RBPJ: variants seen among roughly 807,000 people sequenced by gnomAD.
RBPJ encodes the protein recombining binding protein suppressor of hairless.
Under a neutral mutation model 67.8 loss-of-function variants are expected in RBPJ, and 9 were observed. That is an observed-to-expected ratio of 0.13 (90% CI 0.08 to 0.23). The LOEUF is 0.23. RBPJ is among the 10% of genes least tolerant of loss of function. RBPJ has a pLI of 1.00. For synonymous variants in RBPJ, 198 were observed against 203.3 expected (o/e 0.97, Z 0.22); for missense variants, 305 against 595.6 (o/e 0.51, Z 5.08).
intron 1 of RBPJ, among the ~76,000 whole-genome samples, chr4:26,231,772 C>T (rs1324902866): frequency 1.3e-5 from 2 of 151,972 alleles, no homozygotes; most frequent in African/African-American, 2.4e-5. Context: ...TGGTCTCGAA[C>T]TCGTGACCTC....
At chr4:26,294,101 T>C (rs1303214420) in intron 1 of RBPJ, among the ~76,000 whole-genome samples, 1 of 88,590 alleles carries the variant, frequency 1.1e-5, no homozygotes, top group South Asian at 3.1e-4. Flanking sequence ...TTTTTGTTTT[T>C]GTTTTTGTTT....
intron 1 of RBPJ, among the ~76,000 whole-genome samples, chr4:26,185,463 A>G (rs1473001479): frequency 6.6e-6 from 1 of 152,200 alleles, no homozygotes; most frequent in East Asian, 1.9e-4. Flanking sequence ...GCCCACTCCA[A>G]ACATCTGAAA....
intron 1 of RBPJ, among the ~76,000 whole-genome samples, chr4:26,248,635 T>C (rs1164593737): frequency 1.3e-5 from 2 of 152,214 alleles, no homozygotes. Context: ...AGTTAGACTA[T>C]ATAACAGTGA....
At chr4:26,331,578 A>G (rs1724266932) in intron 1 of RBPJ, among the ~76,000 whole-genome samples, 1 of 152,090 alleles carries the variant, frequency 6.6e-6, no homozygotes, top group Non-Finnish European at 1.5e-5. Flanking sequence ...GTCAGCTCGG[A>G]GCCTGCCTGC....
rs867558635 is a variant in RBPJ at position 26,244,209 on chromosome 4, A to G, written c.-167+80595A>G. ...TATACATATATGTGTCTATATATGTATACACATATGTGTACACATATATGT... is the reference window on the plus strand; with the variant it reads ...TATACATATATGTGTCTATATATGTGTACACATATGTGTACACATATATGT... On this transcript the variant is annotated intron_variant, in intron 1 of 4. Coordinates refer to the RBPJ transcript ENST00000512351. Among the ~76,000 whole-genome samples the G allele has an allele frequency of 2.2e-3, 310 of 137,944 alleles. 9 individuals carry two copies. The highest frequency in any genetic ancestry group is 0.011 in the South Asian group (48 of 4,406). The allele number at this position is 137,944 out of a possible 152,430, so 90.5% of individuals were successfully genotyped here.
At chr4:26,311,731 G>A (rs181130085) in intron 1 of RBPJ, among the ~76,000 whole-genome samples, 16 of 152,206 alleles carry the variant, frequency 1.1e-4, no homozygotes, top group Admixed American at 1.0e-3. Context: ...TCCCTTTAGT[G>A]AGAAAGTCCC....
chr4:26,343,904 C>A (rs1405455587), intron 1 of RBPJ, among the ~76,000 whole-genome samples: 1 of 151,880 alleles, frequency 6.6e-6, no homozygotes, highest in African/African-American at 2.4e-5. Flanking sequence ...GCGCCCGCCA[C>A]CACACTCGGC....
upstream of RBPJ, among the ~76,000 whole-genome samples, chr4:26,318,467 T>C (rs1360833394): frequency 6.6e-6 from 1 of 151,802 alleles, no homozygotes; most frequent in Non-Finnish European, 1.5e-5. Context: ...GCAATAAAAA[T>C]ACGGAAAGGT....
chr4:26,366,753 G>A (rs1728671444), intron 1 of RBPJ, among the ~76,000 whole-genome samples: 1 of 151,994 alleles, frequency 6.6e-6, no homozygotes. Flanking sequence ...TCATACATAG[G>A]AAATTTACAA....
intron 1 of RBPJ, among the ~76,000 whole-genome samples, chr4:26,324,896 AAT>A (rs1475903688): frequency 6.6e-6 from 1 of 152,228 alleles, no homozygotes; most frequent in Non-Finnish European, 1.5e-5. Flanking sequence ...CAAGTCTGTT[AAT>A]AGCAGTGATT....
chr4:26,231,608 C>T (rs1719288307), intron 1 of RBPJ, among the ~76,000 whole-genome samples: 1 of 151,986 alleles, frequency 6.6e-6, no homozygotes. Context: ...GATGGGGTTT[C>T]ACCATGTTGG....
At chr4:26,161,805 C>T (rs1716085380), upstream of RBPJ, among the ~76,000 whole-genome samples, 1 of 152,212 alleles carries the variant, frequency 6.6e-6, no homozygotes, top group Non-Finnish European at 1.5e-5. Context: ...GCACAGACGT[C>T]CTGTGGTAGG....
chr4:26,140,113 GA>G, the RBPJ span, among the ~76,000 whole-genome samples: 1 of 152,176 alleles, frequency 6.6e-6, no homozygotes, highest in East Asian at 1.9e-4. Context: ...TGACTTCAGT[GA>G]ACTCATATGG....
chr4:26,124,189 T>G, the RBPJ span, among the ~76,000 whole-genome samples: 1 of 151,694 alleles, frequency 6.6e-6, no homozygotes, highest in East Asian at 1.9e-4. Flanking sequence ...TGTAGTCTTT[T>G]ATACCTCACC....
At chr4:26,215,181 GGA>G in intron 1 of RBPJ, among the ~76,000 whole-genome samples, 3 of 68,278 alleles carry the variant, frequency 4.4e-5, no homozygotes, top group Admixed American at 1.9e-4. Flanking sequence ...GAAGGAGGAA[GGA>G]AGGAAGGAAG....
At chr4:26,411,950 AC>A (rs1194723773) in intron 3 of RBPJ, among the ~76,000 whole-genome samples, 5 of 149,822 alleles carry the variant, frequency 3.3e-5, no homozygotes, top group African/African-American at 9.8e-5. Flanking sequence ...TACTAAAAAT[AC>A]AAAAAAAAAA....
the RBPJ span, among the ~76,000 whole-genome samples, chr4:26,131,332 T>C: frequency 6.6e-6 from 1 of 152,174 alleles, no homozygotes; most frequent in African/African-American, 2.4e-5. Flanking sequence ...TTTAGTAAGC[T>C]GTTACAAGCA....
chr4:26,394,221 G>T (rs996055462), intron 2 of RBPJ, among the ~76,000 whole-genome samples: 4 of 151,946 alleles, frequency 2.6e-5, no homozygotes, highest in African/African-American at 4.8e-5. Context: ...TAGAGACGGG[G>T]TTTCACCGTG....
At position 26,209,202 on chromosome 4, in the gene RBPJ, A is replaced by G. The variant is rs558300157; in HGVS notation, c.-167+45588A>G. ...TCAACTGGCTTGCAAAATGCCTGAA[A>G]GTTAAAATGTTGATTCTATTAAGTT... On this transcript the variant is annotated intron_variant, in intron 1 of 4. Coordinates refer to the RBPJ transcript ENST00000512351. Among the ~76,000 whole-genome samples the G allele has an allele frequency of 7.2e-5, 11 of 152,166 alleles. No individual in the cohort carries two copies. In the South Asian group the frequency reaches 1.7e-3, roughly 23 times the overall value.
Sources: gnomAD v4.1 joint callset for allele counts (sites outside exome capture counted in the v4.1 genomes callset) on GRCh38, gnomAD v4.1.1 for gene constraint, MANE v1.5 for transcripts, NCBI Gene and HGNC (gene_info 2026-07-23, HGNC 2026-07-21) for gene names.